ANAPC10: variants seen among roughly 807,000 people sequenced by gnomAD.
The protein encoded by ANAPC10 is anaphase promoting complex subunit 10.
A neutral mutation model predicts 22.0 loss-of-function variants in ANAPC10; 12 were observed. The observed-to-expected ratio is 0.55, with a 90% CI of 0.35 to 0.88. The LOEUF is 0.88. Among genes scored for constraint, ANAPC10 ranks in the 40% least tolerant of loss-of-function variants. The pLI, the probability that ANAPC10 is intolerant of heterozygous loss-of-function variation, is 0.01. For synonymous variants in ANAPC10, 65 were observed against 69.5 expected (o/e 0.94, Z 0.32); for missense variants, 188 against 220.9 (o/e 0.85, Z 0.94).
At chr4:145,045,605 A>T (rs1279427239) in intron 4 of ANAPC10, among the ~76,000 whole-genome samples, 1 of 152,134 alleles carries the variant, frequency 6.6e-6, no homozygotes, top group East Asian at 1.9e-4. Flanking sequence ...ACTAAGATAC[A>T]ATACTCCACT....
At chr4:145,006,065 A>G (rs537319751) in intron 4 of ANAPC10, among the ~76,000 whole-genome samples, 2 of 152,092 alleles carry the variant, frequency 1.3e-5, no homozygotes, top group Non-Finnish European at 2.9e-5. Context: ...AAGTCTCCCC[A>G]CTATTATTGT....
At chr4:145,014,685 T>C (rs1734839467) in intron 4 of ANAPC10, among the ~76,000 whole-genome samples, 1 of 152,102 alleles carries the variant, frequency 6.6e-6, no homozygotes, top group African/African-American at 2.4e-5. Context: ...AGAGTCCATT[T>C]CACCCACTGC....
chr4:145,052,766 TA>T (rs2126331089), intron 4 of ANAPC10, among the ~76,000 whole-genome samples: 1 of 151,616 alleles, frequency 6.6e-6, no homozygotes, highest in African/African-American at 2.4e-5. Context: ...TGCACACCTG[TA>T]ATCCCAGCTA....
At chr4:145,049,282 T>A (rs1740759298) in intron 4 of ANAPC10, among the ~76,000 whole-genome samples, 1 of 152,216 alleles carries the variant, frequency 6.6e-6, no homozygotes, top group South Asian at 2.1e-4. Context: ...TTTCTTAAAA[T>A]AACACTGAAG....
chr4:145,059,127 T>C (rs544831840), intron 4 of ANAPC10, among the ~76,000 whole-genome samples: 49 of 152,260 alleles, frequency 3.2e-4, no homozygotes, highest in African/African-American at 1.1e-3. Context: ...TTGTTTAAAA[T>C]AGGCCCCTCA....
chr4:145,003,069 T>C (rs910534635), intron 4 of ANAPC10, among the ~76,000 whole-genome samples: 2 of 152,258 alleles, frequency 1.3e-5, no homozygotes, highest in East Asian at 1.9e-4. Context: ...TTTGTGTCCA[T>C]GTGTATTCAA....
intron 4 of ANAPC10, among the ~76,000 whole-genome samples, chr4:144,998,231 C>G (rs1489453161): frequency 6.6e-6 from 1 of 152,262 alleles, no homozygotes; most frequent in Non-Finnish European, 1.5e-5. Flanking sequence ...CCAAGCGGAC[C>G]TAATAGACAT....
intron 4 of ANAPC10, among the ~76,000 whole-genome samples, chr4:145,028,943 G>T (rs1737135675): frequency 1.3e-5 from 2 of 152,064 alleles, no homozygotes; most frequent in Admixed American, 1.3e-4. Context: ...GCCCTAAGTG[G>T]GAGTCTTAAC....
At chr4:145,003,939 C>A (rs1017761958) in intron 4 of ANAPC10, among the ~76,000 whole-genome samples, 8 of 152,080 alleles carry the variant, frequency 5.3e-5, no homozygotes, top group Admixed American at 4.6e-4. Context: ...GCAGTATGGC[C>A]TTTTAACAAT....
At chr4:145,068,509 A>G (rs1470525456) in intron 3 of ANAPC10, among the ~76,000 whole-genome samples, 1 of 152,280 alleles carries the variant, frequency 6.6e-6, no homozygotes, top group Admixed American at 6.5e-5. Context: ...CGTGCTAGAT[A>G]TATTACCAGG....
At chr4:145,073,795 C>T (rs1004325859) in intron 3 of ANAPC10, among the ~76,000 whole-genome samples, 9 of 151,656 alleles carry the variant, frequency 5.9e-5, no homozygotes, top group East Asian at 1.9e-4. Context: ...AATTTCTTTG[C>T]GACACAGAAA....
Position 145,096,078 on chromosome 4 carries a change from G to A in ANAPC10, c.22C>T (p.Pro8Ser), listed in dbSNP as rs760042262. 7 of 1,614,140 alleles carry A rather than the reference G, an allele frequency of 4.3e-6. No homozygotes were observed. The highest frequency in any genetic ancestry group is 5.1e-6 in the Non-Finnish European group (6 of 1,180,004). Residue 8 changes from proline to serine, a missense_variant, in exon 2 of 5, where the codon CCT (proline) becomes TCT (serine). Pro to Ser is a moderately conservative substitution (Grantham distance 74, BLOSUM62 -1). Transcript: ENST00000507656. ...AACTGCTTGGGGTCAGCACCAGGAG[G>A]TGTCTTGTTTGGTGTAGTCATTTTT... MTTPNKT[P>S]PGADPKQLER...
chr4:145,029,028 A>C (rs906147950), intron 4 of ANAPC10, among the ~76,000 whole-genome samples: 2 of 152,162 alleles, frequency 1.3e-5, no homozygotes, highest in Non-Finnish European at 2.9e-5. Flanking sequence ...ACCTGCAACG[A>C]AAGATGCATG....
chr4:145,000,904 T>C (rs1248773809), intron 4 of ANAPC10, among the ~76,000 whole-genome samples: 2 of 152,076 alleles, frequency 1.3e-5, no homozygotes, highest in Non-Finnish European at 1.5e-5. Context: ...GGGACATGCA[T>C]GAAGCTGGAA....
At chr4:145,059,452 T>C (rs1742551976) in intron 4 of ANAPC10, among the ~76,000 whole-genome samples, 1 of 152,124 alleles carries the variant, frequency 6.6e-6, no homozygotes, top group Non-Finnish European at 1.5e-5. Flanking sequence ...ACAGCTTTAT[T>C]ATCTGAAGAC....
At chr4:145,016,601 A>C (rs1735191786) in intron 4 of ANAPC10, among the ~76,000 whole-genome samples, 1 of 152,248 alleles carries the variant, frequency 6.6e-6, no homozygotes, top group African/African-American at 2.4e-5. Context: ...GACTTTCTTC[A>C]CAGAATTGGA....
At chr4:145,010,702 A>G (rs1734166823) in intron 4 of ANAPC10, among the ~76,000 whole-genome samples, 1 of 152,114 alleles carries the variant, frequency 6.6e-6, no homozygotes, top group Non-Finnish European at 1.5e-5. Context: ...GAGGGATAGC[A>G]TTAGGAGATA....
intron 4 of ANAPC10, among the ~76,000 whole-genome samples, chr4:145,057,466 G>A (rs1023863440): frequency 1.1e-4 from 17 of 151,910 alleles, no homozygotes; most frequent in African/African-American, 3.9e-4. Context: ...TTCTTCACTG[G>A]ATAACCTTTT....
intron 4 of ANAPC10, 44 bp downstream of exon 4, chr4:145,064,528 A>G (rs770221015): frequency 1.3e-6 from 2 of 1,525,254 alleles, no homozygotes; most frequent in Non-Finnish European, 1.8e-6. Flanking sequence ...TCTAATGAGT[A>G]AAAGTTAAAG....
Sources: allele counts gnomAD v4.1 joint callset (sites outside exome capture counted in the v4.1 genomes callset), GRCh38; gene constraint gnomAD v4.1.1; transcripts MANE v1.5; gene names NCBI Gene and HGNC (gene_info 2026-07-23, HGNC 2026-07-21).